The following LRP1B variants were observed in gnomAD, a reference collection of about 807,000 sequenced individuals.
LRP1B encodes the protein low-density lipoprotein receptor-related protein 1B.
A neutral mutation model predicts 556.6 loss-of-function variants in LRP1B; 217 were observed. The observed-to-expected ratio is 0.39, with a 90% CI of 0.35 to 0.44. LRP1B has a LOEUF of 0.44. Among genes scored for constraint, LRP1B ranks in the 20% least tolerant of loss-of-function variants. LRP1B has a pLI of 1.00. For synonymous variants in LRP1B, 2,047 were observed against 1,865.8 expected, an observed-to-expected ratio of 1.10 and a Z score of -2.50; for missense variants, 5,053 against 5,620.8, an observed-to-expected ratio of 0.90 and a Z score of 3.23.
chr2:140,647,104 A>G (rs1266306127), intron 41 of LRP1B, among the ~76,000 whole-genome samples: 1 of 152,198 alleles, frequency 6.6e-6, no homozygotes, highest in Non-Finnish European at 1.5e-5. Flanking sequence ...CTCCGCATTT[A>G]AATGCAGTAT....
chr2:141,804,553 T>C (rs1182465643), intron 2 of LRP1B, among the ~76,000 whole-genome samples: 1 of 152,088 alleles, frequency 6.6e-6, no homozygotes, highest in East Asian at 1.9e-4. Context: ...CATATGTAGA[T>C]TAAACCTCTT....
chr2:140,894,269 T>C (rs1186502527), intron 23 of LRP1B, among the ~76,000 whole-genome samples: 2 of 152,314 alleles, frequency 1.3e-5, no homozygotes, highest in African/African-American at 2.4e-5. Context: ...AAAAATACTA[T>C]GTTTTTTTCC....
At chr2:140,293,398 C>G (rs1683474771) in intron 84 of LRP1B, among the ~76,000 whole-genome samples, 2 of 152,236 alleles carry the variant, frequency 1.3e-5, no homozygotes, top group East Asian at 1.9e-4. Flanking sequence ...TTAAAGAATA[C>G]TTGATTTTAC....
chr2:142,120,305 T>C (rs1007770120), intron 1 of LRP1B, among the ~76,000 whole-genome samples: 2 of 152,096 alleles, frequency 1.3e-5, no homozygotes, highest in African/African-American at 4.8e-5. Flanking sequence ...AGAGACAGGG[T>C]TTCACCATGT....
intron 41 of LRP1B, among the ~76,000 whole-genome samples, chr2:140,673,937 C>T (rs1057415460): frequency 5.4e-5 from 8 of 146,920 alleles, no homozygotes; most frequent in Non-Finnish European, 1.0e-4. Flanking sequence ...TATCTCTTTT[C>T]TTTTTTCTTT....
intron 7 of LRP1B, among the ~76,000 whole-genome samples, chr2:141,070,825 T>C (rs1185020113): frequency 6.6e-6 from 1 of 152,112 alleles, no homozygotes; most frequent in South Asian, 2.1e-4. Flanking sequence ...AATCTCTGAA[T>C]AGACCAATAA....
chr2:141,224,725 C>A (rs376836457), intron 6 of LRP1B, among the ~76,000 whole-genome samples: 3 of 151,944 alleles, frequency 2.0e-5, no homozygotes, highest in African/African-American at 7.3e-5. Flanking sequence ...GAACAGAAAA[C>A]CAAGAGAACC....
intron 2 of LRP1B, among the ~76,000 whole-genome samples, chr2:141,707,811 G>T (rs1039325069): frequency 2.0e-5 from 3 of 152,106 alleles, no homozygotes; most frequent in Admixed American, 1.3e-4. Flanking sequence ...GGGAGCAGGA[G>T]ACAGCCTGCC....
chr2:140,589,233 T>A (rs1682117777), intron 43 of LRP1B, among the ~76,000 whole-genome samples: 1 of 152,056 alleles, frequency 6.6e-6, no homozygotes, highest in Admixed American at 6.5e-5. Context: ...ATAAATCTCA[T>A]GTGAAAAGAA....
At chr2:140,792,113 C>T (rs6720706) in intron 32 of LRP1B, among the ~76,000 whole-genome samples, 31,541 of 152,070 alleles carry the variant, frequency 0.21, 3,604 homozygotes, top group South Asian at 0.3. Context: ...ATTTCCCACT[C>T]GCTTTCCCAC....
At chr2:140,442,455 A>G in intron 66 of LRP1B, 49 bp downstream of exon 66, 1 of 1,576,462 alleles carries the variant, frequency 6.3e-7, no homozygotes, top group South Asian at 1.2e-5. Flanking sequence ...GTTGTCGCAG[A>G]TGATGACTCA....
At chr2:140,987,243 A>G (rs1696953790) in intron 17 of LRP1B, among the ~76,000 whole-genome samples, 1 of 152,122 alleles carries the variant, frequency 6.6e-6, no homozygotes, top group Non-Finnish European at 1.5e-5. Flanking sequence ...AAATATACTG[A>G]CGAAAAGATC....
chr2:141,518,445 G>A (rs1311411447), intron 2 of LRP1B, among the ~76,000 whole-genome samples: 1 of 152,134 alleles, frequency 6.6e-6, no homozygotes, highest in Non-Finnish European at 1.5e-5. Context: ...ATTTCTCACA[G>A]CAAATATTAG....
intron 86 of LRP1B, among the ~76,000 whole-genome samples, chr2:140,265,005 A>G (rs187668104): frequency 1.4e-3 from 218 of 152,204 alleles, no homozygotes; most frequent in African/African-American, 5.1e-3. Flanking sequence ...ATAGAATAGT[A>G]GTAGTGGGGC....
intron 1 of LRP1B, among the ~76,000 whole-genome samples, chr2:142,115,610 T>TCA (rs1454879175): frequency 1.1e-4 from 2 of 18,990 alleles, no homozygotes; most frequent in African/African-American, 3.0e-4. Context: ...GTAATATATA[T>TCA]TATATATATG....
intron 17 of LRP1B, among the ~76,000 whole-genome samples, chr2:140,985,870 T>G (rs1436873803): frequency 1.3e-5 from 2 of 151,964 alleles, no homozygotes; most frequent in African/African-American, 4.8e-5. Context: ...CAGATTTTTA[T>G]TTTTGTTTTA....
At chr2:140,967,339 C>T (rs1257079736) in intron 18 of LRP1B, among the ~76,000 whole-genome samples, 12 of 147,628 alleles carry the variant, frequency 8.1e-5, no homozygotes, top group Admixed American at 7.0e-4. Context: ...ATTTGGCTCT[C>T]TGTCTGTTAT....
At chr2:140,989,258 A>G (rs1038517033) in intron 17 of LRP1B, among the ~76,000 whole-genome samples, 1 of 152,146 alleles carries the variant, frequency 6.6e-6, no homozygotes, top group African/African-American at 2.4e-5. Context: ...AGGATTTAGT[A>G]GGGACAAGTC....
chr2:142,096,040 C>T (rs1401116976), intron 1 of LRP1B, among the ~76,000 whole-genome samples: 2 of 151,726 alleles, frequency 1.3e-5, no homozygotes, highest in African/African-American at 2.4e-5. Context: ...GTCCACTTAA[C>T]TATTTTTTGT....
Sources: gnomAD v4.1 joint callset for allele counts (sites outside exome capture counted in the v4.1 genomes callset) on GRCh38, gnomAD v4.1.1 for gene constraint, MANE v1.5 for transcripts, NCBI Gene and HGNC (gene_info 2026-07-23, HGNC 2026-07-21) for gene names.